The following RPRD2 variants were observed in gnomAD, a reference collection of about 807,000 sequenced individuals.
The protein encoded by RPRD2 is regulation of nuclear pre-mRNA domain-containing protein 2.
In RPRD2, 12 loss-of-function variants were observed where a neutral mutation model predicts 104.4. That is an observed-to-expected ratio of 0.11 (90% CI 0.07 to 0.19). RPRD2 has a LOEUF of 0.19. RPRD2 is among the 10% of genes least tolerant of loss of function. The probability of loss-of-function intolerance (pLI) is 1.00; values close to 1 mark genes in which losing one functional copy is unlikely to be tolerated. For missense variants in RPRD2, 1,543 were observed against 1,790.1 expected (o/e 0.86, Z 2.49); for synonymous variants, 714 against 684.9 (o/e 1.04, Z -0.66).
At chr1:150,438,557 A>T (rs377393129) in intron 2 of RPRD2, among the ~76,000 whole-genome samples, 3 of 151,864 alleles carry the variant, frequency 2.0e-5, no homozygotes, top group Admixed American at 2.0e-4. Flanking sequence ...TGAACCCAGG[A>T]GGCGGAAGTT....
At chr1:150,403,401 A>G (rs955948672) in intron 1 of RPRD2, among the ~76,000 whole-genome samples, 5 of 152,128 alleles carry the variant, frequency 3.3e-5, no homozygotes, top group African/African-American at 1.2e-4. Context: ...GACTGAACGC[A>G]TATACCCATT....
Position 150,444,308 on chromosome 1 carries a change from C to G in RPRD2, c.625C>G (p.Leu209Val). The change falls in exon 6 of 11, where the codon CTG becomes GTG. Residue 209 changes from leucine (L) to valine (V), a missense_variant. Physicochemically the swap from Leu to Val is conservative, Grantham distance 32. This residue lies in a region of RPRD2 where 572 missense variants were observed against 787.3 expected (regional missense o/e 0.73). Transcript: ENST00000369068. ...CAAGCGCTCAGAAGATCAGATAGAACTGAAGGAAAAGCAGTTGTCAACTAT... is the reference window on the plus strand; with the variant it reads ...CAAGCGCTCAGAAGATCAGATAGAAGTGAAGGAAAAGCAGTTGTCAACTAT... ...LYKRSEDQIE[L>V]KEKQLSTMRV... 6.2e-7 allele frequency: 1 copy of G among 1,613,760 alleles called. No homozygotes were observed. The highest frequency in any genetic ancestry group is 8.5e-7 in the Non-Finnish European group (1 of 1,179,742).
intron 1 of RPRD2, among the ~76,000 whole-genome samples, chr1:150,365,475 TTCCCTG>T (rs1553877030): frequency 6.6e-6 from 1 of 152,236 alleles, no homozygotes; most frequent in Non-Finnish European, 1.5e-5. Context: ...CCACCGGGTT[TTCCCTG>T]TACCTGTGTT....
At chr1:150,398,972 T>C (rs1260387) in intron 1 of RPRD2, among the ~76,000 whole-genome samples, 111,880 of 152,114 alleles carry the variant, frequency 0.74, 41,361 homozygotes, top group African/African-American at 0.76. Context: ...AAGAATTTCT[T>C]CTATATTTTC....
intron 6 of RPRD2, among the ~76,000 whole-genome samples, chr1:150,444,994 C>G (rs955742213): frequency 6.6e-6 from 1 of 152,052 alleles, no homozygotes; most frequent in Admixed American, 6.6e-5. Flanking sequence ...TGAGACTAGC[C>G]TGGGCAACAT....
At chr1:150,417,503 CAGTTACA>C (rs1664434787) in intron 1 of RPRD2, 86 bp from the exon 2 acceptor site, 1 of 1,009,292 alleles carries the variant, frequency 9.9e-7, no homozygotes, top group African/African-American at 1.6e-5. Flanking sequence ...AAAAAATAAC[CAGTTACA>C]GTTTGAGAAC....
At chr1:150,467,898 G>A (rs1041272771) in intron 10 of RPRD2, among the ~76,000 whole-genome samples, 1 of 151,970 alleles carries the variant, frequency 6.6e-6, no homozygotes, top group African/African-American at 2.4e-5. Flanking sequence ...CGGTGTGGTG[G>A]GTCACACCTG....
intron 1 of RPRD2, among the ~76,000 whole-genome samples, chr1:150,370,402 A>G (rs1553878139): frequency 6.6e-6 from 1 of 152,122 alleles, no homozygotes; most frequent in Non-Finnish European, 1.5e-5. Context: ...CTACAAGTAG[A>G]GATAATTCTG....
intron 1 of RPRD2, among the ~76,000 whole-genome samples, chr1:150,407,926 G>A (rs1315115743): frequency 6.6e-6 from 1 of 151,708 alleles, no homozygotes; most frequent in African/African-American, 2.4e-5. Flanking sequence ...TTGTGTGTGT[G>A]GAGACAGGAC....
Position 150,371,450 on chromosome 1 carries a change from G to A in RPRD2, c.205+6531G>A, listed in dbSNP as rs369187438. 3.3e-5 allele frequency among the ~76,000 whole-genome samples: 5 copies of A among 152,254 alleles called. No individual in the cohort carries two copies. The South Asian group carries it at 6.2e-4, about 19-fold the overall frequency. Reference sequence around the variant, plus strand: ...ACGATCGTGGCTCACTGCAAGCTCCGCCTCCCGTGTTCACTCCATTCTCCT... The same window carrying A: ...ACGATCGTGGCTCACTGCAAGCTCCACCTCCCGTGTTCACTCCATTCTCCT... On this transcript the variant is annotated intron_variant, in intron 1 of 10. Transcript: ENST00000369068.
At chr1:150,389,776 A>C (rs1471680975) in intron 1 of RPRD2, among the ~76,000 whole-genome samples, 1 of 152,178 alleles carries the variant, frequency 6.6e-6, no homozygotes, top group African/African-American at 2.4e-5. Flanking sequence ...GGTGTACTAA[A>C]AAAGTAAGGG....
chr1:150,442,257 G>A (rs782806825), intron 4 of RPRD2, among the ~76,000 whole-genome samples: 1 of 152,104 alleles, frequency 6.6e-6, no homozygotes, highest in Non-Finnish European at 1.5e-5. Context: ...TAGTGTCCAG[G>A]ATAATTTTCA....
At chr1:150,444,004 C>T (rs1488741375) in intron 5 of RPRD2, among the ~76,000 whole-genome samples, 6 of 152,028 alleles carry the variant, frequency 3.9e-5, no homozygotes, top group African/African-American at 9.7e-5. Context: ...GGCGACAGAG[C>T]GAGACTCCAT....
At chr1:150,424,212 T>G (rs1342373414) in intron 2 of RPRD2, among the ~76,000 whole-genome samples, 2 of 152,196 alleles carry the variant, frequency 1.3e-5, no homozygotes, top group African/African-American at 4.8e-5. Flanking sequence ...TGAAAATATG[T>G]TCAATATAAA....
At chr1:150,464,237 G>A (rs1163595131) in intron 9 of RPRD2, among the ~76,000 whole-genome samples, 2 of 152,036 alleles carry the variant, frequency 1.3e-5, no homozygotes, top group Admixed American at 6.6e-5. Context: ...TCGAACTCCT[G>A]ACCTCAGGTG....
rs782322743 is a variant in RPRD2 at position 150,452,661 on chromosome 1, C to CTTTT, written c.871-4605_871-4602dup. The stretch of plus-strand genomic sequence containing the variant: ...TTTCTGTGTTCTTTTGACATATCCC[C>CTTTT]TTTTTTTTTTTTTTTTTTTTTTTTT... On this transcript the variant is annotated intron_variant, in intron 7 of 10. Coordinates refer to ENST00000369068, the MANE Select transcript of RPRD2 (RefSeq NM_015203.5). 4.5e-3 allele frequency among the ~76,000 whole-genome samples: 321 copies of CTTTT among 71,270 alleles called. 4 individuals are homozygous for CTTTT. The highest frequency in any genetic ancestry group is 5.9e-3 in the Non-Finnish European group (231 of 39,440). 46.8% of individuals were successfully genotyped at this position (71,270 alleles called of 152,430 possible).
chr1:150,377,781 A>G (rs1421726543), intron 1 of RPRD2, among the ~76,000 whole-genome samples: 1 of 152,142 alleles, frequency 6.6e-6, no homozygotes, highest in Non-Finnish European at 1.5e-5. Flanking sequence ...TGTATTACCT[A>G]TAATCTTGAT....
At position 150,425,005 on chromosome 1, in the gene RPRD2, T is replaced by C. The variant is rs1273892166; in HGVS notation, c.335+7280T>C. Among the ~76,000 whole-genome samples the C allele has an allele frequency of 3.9e-5, 6 of 152,300 alleles. No homozygotes were observed. The East Asian group carries it at 1.2e-3, about 29-fold the overall frequency. ...CTACATACACACAGATGTCTAGAGA[T>C]ACAATGGTTTAAGACCATAGTCTCT... On this transcript the variant is annotated intron_variant, in intron 2 of 10. Coordinates refer to ENST00000369068, the MANE Select transcript of RPRD2 (RefSeq NM_015203.5).
chr1:150,447,208 G>A (rs1213887563), intron 7 of RPRD2, among the ~76,000 whole-genome samples: 16 of 151,520 alleles, frequency 1.1e-4, no homozygotes, highest in Non-Finnish European at 1.0e-4. Flanking sequence ...TGCCCACCTT[G>A]GCCTCCCAAA....
Sources: gnomAD v4.1 joint callset for allele counts (sites outside exome capture counted in the v4.1 genomes callset) on GRCh38, gnomAD v4.1.1 for gene constraint, gnomAD v4.1.1 regional missense constraint, MANE v1.5 for transcripts, NCBI Gene and HGNC (gene_info 2026-07-23, HGNC 2026-07-21) for gene names.